Variants in RNF38 observed in about 807,000 individuals in gnomAD.
RNF38 encodes ring finger protein 38, also known as E3 ubiquitin-protein ligase RNF38.
In RNF38, 15 loss-of-function variants were observed where a neutral mutation model predicts 67.2. That is an observed-to-expected ratio of 0.22 (90% confidence interval 0.15 to 0.34). The LOEUF is 0.34. Ranked by LOEUF, RNF38 falls within the 10% of genes least tolerant of loss-of-function variation. The pLI is 1.00. For missense variants in RNF38, 524 were observed against 639.9 expected (o/e 0.82, Z 1.95); for synonymous variants, 220 against 218.8 (o/e 1.01, Z -0.05).
chr9:36,357,983 G>A (rs1355065769), intron 4 of RNF38, 41 bp from the exon 5 acceptor site: 3 of 1,555,632 alleles, frequency 1.9e-6, no homozygotes, highest in South Asian at 1.1e-5. Context: ...TAGCTGTTTA[G>A]ATAAAATGTT....
At chr9:36,361,541 T>G (rs1293120089) in intron 4 of RNF38, among the ~76,000 whole-genome samples, 1 of 152,140 alleles carries the variant, frequency 6.6e-6, no homozygotes, top group Non-Finnish European at 1.5e-5. Flanking sequence ...ACTTATAAAT[T>G]TTATATATTT....
intron 2 of RNF38, among the ~76,000 whole-genome samples, chr9:36,417,559 G>A (rs1393506584): frequency 6.6e-6 from 1 of 151,550 alleles, no homozygotes; most frequent in Non-Finnish European, 1.5e-5. Flanking sequence ...TCACCCAGGC[G>A]GGAGTGCAGT....
rs59924935 is a variant in RNF38, at chr9:36,448,733, G to A, written n.242-24050C>T. Among the ~76,000 whole-genome samples the A allele has an allele frequency of 6.5e-3, 997 of 152,262 alleles. 14 individuals are homozygous for A. The highest frequency in any genetic ancestry group is 0.023 in the African/African-American group (949 of 41,550). On this transcript the variant is annotated intron_variant and non_coding_transcript_variant, in intron 1 of 3. Transcript: ENST00000488058. ...AAACAGACCCAAATGGGCCGGGCGC[G>A]GTGGCTCAGCCTGTAATCTCAGCAC...
chr9:36,394,963 C>T (rs1456312097), intron 1 of RNF38, among the ~76,000 whole-genome samples: 1 of 152,198 alleles, frequency 6.6e-6, no homozygotes, highest in African/African-American at 2.4e-5. Flanking sequence ...TTTAAAAAGT[C>T]CTGCCAAGGA....
chr9:36,353,452 T>A, intron 6 of RNF38, 121 bp from the exon 7 acceptor site: 1 of 565,902 alleles, frequency 1.8e-6, no homozygotes, highest in South Asian at 4.0e-5. Flanking sequence ...AGGCCATGCA[T>A]CTCTTGATAT....
At chr9:36,342,769 A>C (rs1832948026) in intron 10 of RNF38, among the ~76,000 whole-genome samples, 1 of 152,216 alleles carries the variant, frequency 6.6e-6, no homozygotes, top group Non-Finnish European at 1.5e-5. Flanking sequence ...AAATGGATCA[A>C]AAGCTTAAGT....
intron 1 of RNF38, among the ~76,000 whole-genome samples, chr9:36,466,301 G>C (rs953528612): frequency 1.3e-5 from 2 of 152,146 alleles, no homozygotes; most frequent in Non-Finnish European, 2.9e-5. Context: ...TTTTCAGGGA[G>C]ATGAAAATGC....
At chr9:36,423,936 G>A (rs1477053892) in intron 2 of RNF38, among the ~76,000 whole-genome samples, 4 of 18,698 alleles carry the variant, frequency 2.1e-4, no homozygotes, top group African/African-American at 3.6e-4. Flanking sequence ...GCGACAGAGC[G>A]AGACTCCGTC....
At chr9:36,432,516 C>A (rs528098547) in intron 1 of RNF38, among the ~76,000 whole-genome samples, 18 of 152,190 alleles carry the variant, frequency 1.2e-4, no homozygotes, top group African/African-American at 3.9e-4. Flanking sequence ...ATTGGCCAGG[C>A]GCAGTGGCTC....
intron 1 of RNF38, among the ~76,000 whole-genome samples, chr9:36,399,372 C>T (rs1316314584): frequency 6.6e-6 from 1 of 151,594 alleles, no homozygotes; most frequent in African/African-American, 2.4e-5. Context: ...GCGCTAAGGC[C>T]TTCAAATCTC....
intron 8 of RNF38, among the ~76,000 whole-genome samples, chr9:36,351,849 C>CT (rs1398347135): frequency 6.6e-6 from 1 of 152,148 alleles, no homozygotes; most frequent in Non-Finnish European, 1.5e-5. Flanking sequence ...GCAGAGGAAT[C>CT]TATTTTTATT....
intron 6 of RNF38, among the ~76,000 whole-genome samples, chr9:36,354,924 G>A (rs1019612791): frequency 6.6e-6 from 1 of 152,174 alleles, no homozygotes; most frequent in Non-Finnish European, 1.5e-5. Flanking sequence ...GACAACACTA[G>A]TGAAAACAAA....
chr9:36,356,239 A>G (rs761280440), intron 6 of RNF38, 64 bp downstream of exon 6: 13 of 1,523,496 alleles, frequency 8.5e-6, no homozygotes, highest in Non-Finnish European at 9.9e-6. Flanking sequence ...TGGCCTAAAC[A>G]TTCTGAAAAA....
intron 1 of RNF38, among the ~76,000 whole-genome samples, chr9:36,463,701 T>A (rs1174964658): frequency 6.6e-6 from 1 of 152,190 alleles, no homozygotes; most frequent in Non-Finnish European, 1.5e-5. Flanking sequence ...CAAGTATGTA[T>A]GGTGCACTGG....
rs1219109949 is a variant in RNF38, at chr9:36,371,929, C to CT, written c.357-1998dup. 1.3e-4 allele frequency among the ~76,000 whole-genome samples: 20 copies of CT among 148,884 alleles called. No homozygotes were observed. The South Asian group carries it at 3.4e-3, about 25-fold the overall frequency. ...ATCTTCCAGAATGAACTCACTTTTT[C>CT]TTTTCTTTTTTTTTTTTTTGAGACA... is the stretch of plus-strand genomic sequence containing the variant. On this transcript the variant is annotated intron_variant, in intron 3 of 11. Transcript: ENST00000259605.
At chr9:36,443,016 C>A (rs1199764330) in intron 1 of RNF38, among the ~76,000 whole-genome samples, 1 of 152,236 alleles carries the variant, frequency 6.6e-6, no homozygotes, top group Non-Finnish European at 1.5e-5. Context: ...AGTGATGTCC[C>A]TCCACATGGA....
intron 2 of RNF38, among the ~76,000 whole-genome samples, chr9:36,423,523 G>A (rs986665685): frequency 1.3e-5 from 2 of 152,126 alleles, no homozygotes; most frequent in Admixed American, 6.5e-5. Flanking sequence ...GAAAATGGGA[G>A]GGAAGCCACT....
At chr9:36,439,494 A>G (rs1327445300) in intron 1 of RNF38, among the ~76,000 whole-genome samples, 1 of 152,130 alleles carries the variant, frequency 6.6e-6, no homozygotes, top group Non-Finnish European at 1.5e-5. Flanking sequence ...AATGGTTAAT[A>G]AGTGGTTATT....
In RNF38 at chr9:36,400,236, C is replaced by G. The variant is rs1357270794; in HGVS notation, c.-128G>C. 1 of 1,426,174 alleles carries G rather than the reference C, an allele frequency of 7.0e-7. No individual in the cohort carries two copies. Among genetic ancestry groups the G allele is most frequent in the Non-Finnish European group, 9.2e-7 (1 of 1,087,066 alleles). 88.3% of individuals were successfully genotyped at this position (1,426,174 alleles called of 1,614,324 possible). The stretch of plus-strand genomic sequence containing the variant: ...ACTTGCATCCCCTGAGAACAAAACG[C>G]AGCCTATCCAGAAACCCACGGAAGC... On this transcript the variant is annotated 5_prime_UTR_variant, in exon 1 of 12. Coordinates refer to ENST00000259605, the MANE Select transcript of RNF38 (RefSeq NM_022781.5).
Sources: gnomAD v4.1 joint callset for allele counts (sites outside exome capture counted in the v4.1 genomes callset) on GRCh38, gnomAD v4.1.1 for gene constraint, MANE v1.5 for transcripts, NCBI Gene and HGNC (gene_info 2026-07-23, HGNC 2026-07-21) for gene names.